The following ATP6V1H variants were observed in gnomAD, a reference collection of about 807,000 sequenced individuals.
ATP6V1H encodes V-type proton ATPase subunit H.
A neutral mutation model predicts 71.7 loss-of-function variants in ATP6V1H; 39 were observed. The ratio of observed to expected loss-of-function variants is 0.54; its 90% CI spans 0.42 to 0.71. The LOEUF (loss-of-function observed/expected upper bound fraction) is 0.71. Among genes scored for constraint, ATP6V1H ranks in the 30% least tolerant of loss-of-function variants. ATP6V1H has a pLI of 0.00. For synonymous variants in ATP6V1H, 192 were observed against 199.3 expected, an observed-to-expected ratio of 0.96 and a Z score of 0.31; for missense variants, 509 against 594.9, an observed-to-expected ratio of 0.86 and a Z score of 1.50.
At chr8:53,811,406 T>G (rs1810269699) in intron 6 of ATP6V1H, among the ~76,000 whole-genome samples, 189 bp from the exon 7 acceptor site, 1 of 152,192 alleles carries the variant, frequency 6.6e-6, no homozygotes, top group Non-Finnish European at 1.5e-5. Flanking sequence ...TATCGTTACA[T>G]TCTTCCAGAT....
chr8:53,814,072 C>T (rs1420050601), intron 6 of ATP6V1H, among the ~76,000 whole-genome samples: 1 of 152,172 alleles, frequency 6.6e-6, no homozygotes, highest in Non-Finnish European at 1.5e-5. Context: ...GTTTGAAATG[C>T]CCCTGGTGGC....
intron 13 of ATP6V1H, among the ~76,000 whole-genome samples, chr8:53,716,847 A>T (rs1445681653): frequency 6.6e-6 from 1 of 152,270 alleles, no homozygotes; most frequent in Admixed American, 6.5e-5. Context: ...GCACTTGCCG[A>T]AACTTTTGTT....
chr8:53,788,799 T>C (rs999594454), intron 9 of ATP6V1H, among the ~76,000 whole-genome samples: 3 of 152,180 alleles, frequency 2.0e-5, no homozygotes, highest in African/African-American at 7.2e-5. Context: ...TACACTACTC[T>C]ATTTCTCAGA....
chr8:53,821,436 T>C (rs1214427533), intron 4 of ATP6V1H, among the ~76,000 whole-genome samples: 2 of 151,144 alleles, frequency 1.3e-5, no homozygotes, highest in Non-Finnish European at 2.9e-5. Context: ...AATCTCAGAA[T>C]TCTGGGAGCC....
At chr8:53,760,356 C>T (rs1372296409) in intron 11 of ATP6V1H, among the ~76,000 whole-genome samples, 1 of 152,180 alleles carries the variant, frequency 6.6e-6, no homozygotes, top group East Asian at 1.9e-4. Flanking sequence ...CTCCCAAGTG[C>T]TGGCAGGACA....
At position 53,719,221 on chromosome 8, in the gene ATP6V1H, A is replaced by C. The variant is rs534386352; in HGVS notation, c.1392-3197T>G. 5.7e-4 allele frequency among the ~76,000 whole-genome samples: 87 copies of C among 152,092 alleles called. 1 individual carries two copies. In the South Asian group the frequency reaches 0.014, roughly 25 times the overall value. Reference sequence around the variant, plus strand: ...AGTCTCACTTTATTGCCCAGGCTGGAGTGCAATGGTGTGATCTCAGCTCAC... The same window carrying C: ...AGTCTCACTTTATTGCCCAGGCTGGCGTGCAATGGTGTGATCTCAGCTCAC... On this transcript the variant is annotated intron_variant, in intron 13 of 13. Coordinates refer to ENST00000359530, the MANE Select transcript of ATP6V1H (RefSeq NM_015941.4).
intron 13 of ATP6V1H, among the ~76,000 whole-genome samples, chr8:53,740,014 G>A (rs537829768): frequency 2.8e-4 from 43 of 152,282 alleles, no homozygotes; most frequent in African/African-American, 1.0e-3. Context: ...GGGGAGAAAC[G>A]CTGGTATTCT....
intron 9 of ATP6V1H, among the ~76,000 whole-genome samples, chr8:53,787,235 A>C (rs1809417321): frequency 6.6e-6 from 1 of 152,232 alleles, no homozygotes; most frequent in Non-Finnish European, 1.5e-5. Flanking sequence ...CAAACCTAGT[A>C]TCTACTAAGC....
At chr8:53,774,887 A>ATTCT (rs1808807115) in intron 9 of ATP6V1H, among the ~76,000 whole-genome samples, 1 of 152,224 alleles carries the variant, frequency 6.6e-6, no homozygotes, top group African/African-American at 2.4e-5. Flanking sequence ...GAAATCAGAG[A>ATTCT]GAAACATAAA....
rs750916181 is a variant in ATP6V1H, at chr8:53,811,233, T to C, written c.526-16A>G. 5 of 1,609,424 alleles carry C rather than the reference T, an allele frequency of 3.1e-6. No homozygotes were observed. The highest frequency in any genetic ancestry group is 4.3e-6 in the Non-Finnish European group (5 of 1,176,250). On this transcript the variant is annotated splice_polypyrimidine_tract_variant and intron_variant, in intron 6 of 13. Transcript: ENST00000359530. ...CACGCAGTTTCTATTACGAAATAAA[T>C]AACTCATTATTTAGTTTTGTTTTGA...
chr8:53,773,878 A>T (rs1808766561), intron 9 of ATP6V1H, among the ~76,000 whole-genome samples: 1 of 152,130 alleles, frequency 6.6e-6, no homozygotes, highest in African/African-American at 2.4e-5. Flanking sequence ...TTTCTGAAAT[A>T]AAAAAATATC....
rs531374471 is a variant in ATP6V1H at position 53,828,197 on chromosome 8, C to T, written c.306+1247G>A. ...TGAAGAATCACCACACTGCTTTCCT[C>T]GATAATTGAGTTGTATGGGTCCACA... On this transcript the variant is annotated intron_variant, in intron 4 of 13. Transcript: ENST00000359530. Among the ~76,000 whole-genome samples, 291 of 152,182 alleles carry T rather than the reference C, an allele frequency of 1.9e-3. 1 individual carries two copies. The highest frequency in any genetic ancestry group is 3.4e-3 in the Middle Eastern group (1 of 294).
At chr8:53,756,767 T>G in intron 11 of ATP6V1H, 111 bp from the exon 12 acceptor site, 1 of 648,688 alleles carries the variant, frequency 1.5e-6, no homozygotes, top group Non-Finnish European at 2.6e-6. Context: ...TATTAATATA[T>G]TCATATTCTT....
At chr8:53,716,925 T>C (rs1425536374) in intron 13 of ATP6V1H, among the ~76,000 whole-genome samples, 3 of 152,222 alleles carry the variant, frequency 2.0e-5, no homozygotes, top group East Asian at 1.9e-4. Flanking sequence ...TTTCCTCTTA[T>C]AAAAAAGCAT....
chr8:53,789,989 T>C (rs993733815), intron 9 of ATP6V1H, among the ~76,000 whole-genome samples: 3 of 152,176 alleles, frequency 2.0e-5, no homozygotes, highest in Admixed American at 1.3e-4. Flanking sequence ...AATGTAACCA[T>C]CTTTCCTAAC....
intron 11 of ATP6V1H, among the ~76,000 whole-genome samples, chr8:53,762,906 G>A (rs1027169398): frequency 4.6e-5 from 7 of 152,094 alleles, no homozygotes; most frequent in South Asian, 2.1e-4. Context: ...TACTCAACAT[G>A]ACGACAAGGA....
intron 12 of ATP6V1H, among the ~76,000 whole-genome samples, chr8:53,744,841 C>A (rs1186973683): frequency 6.6e-6 from 1 of 152,146 alleles, no homozygotes; most frequent in Admixed American, 6.5e-5. Context: ...ATTTATCAAA[C>A]ATGTTAATTA....
rs374332818 is a variant in ATP6V1H, at chr8:53,841,605, T to C, written c.86A>G (p.Asn29Ser). The C allele has an allele frequency of 4.0e-5, 65 of 1,614,154 alleles. No individual in the cohort carries two copies. The highest frequency in any genetic ancestry group is 1.6e-4 in the Middle Eastern group (1 of 6,062). ...AAGATAGGATTGCCAGTTGACTTTGTTTGCACGAACTTCTGCAGCCTTGGC... is the reference window on the plus strand; with the variant it reads ...AAGATAGGATTGCCAGTTGACTTTGCTTGCACGAACTTCTGCAGCCTTGGC... ...IAAKAAEVRANKVNWQSYLQG... is the reference protein window; with the variant it reads ...IAAKAAEVRASKVNWQSYLQG... The change falls in exon 2 of 14, where the codon AAC becomes AGC. Residue 29 changes from asparagine (N) to serine (S), a missense_variant. Coordinates refer to ENST00000359530, the MANE Select transcript of ATP6V1H (RefSeq NM_015941.4).
intron 9 of ATP6V1H, among the ~76,000 whole-genome samples, chr8:53,795,432 A>T (rs569456504): frequency 6.6e-6 from 1 of 152,260 alleles, no homozygotes; most frequent in East Asian, 1.9e-4. Context: ...GCATACTGTA[A>T]CTCACAGATT....
Sources: allele counts gnomAD v4.1 joint callset (sites outside exome capture counted in the v4.1 genomes callset), GRCh38; gene constraint gnomAD v4.1.1; transcripts MANE v1.5; gene names NCBI Gene and HGNC (gene_info 2026-07-23, HGNC 2026-07-21).